The following NEBL variants were observed in gnomAD, a reference collection of about 807,000 sequenced individuals.
The protein encoded by NEBL is LIM and SH3 protein 2.
A neutral mutation model predicts 140.2 loss-of-function variants in NEBL; 122 were observed. The observed-to-expected ratio is 0.87, with a 90% confidence interval of 0.75 to 1.01. NEBL has a LOEUF of 1.01. Among genes scored for constraint, NEBL ranks in the 50% least tolerant of loss-of-function variants. The pLI, the probability that NEBL is intolerant of heterozygous loss-of-function variation, is 0.00. For synonymous variants in NEBL, 436 were observed against 398.9 expected (o/e 1.09, Z -1.11); for missense variants, 1,365 against 1,231.3 (o/e 1.11, Z -1.62).
At chr10:21,081,240 T>C (rs1222304970) in intron 2 of NEBL, among the ~76,000 whole-genome samples, 1 of 152,164 alleles carries the variant, frequency 6.6e-6, no homozygotes, top group East Asian at 1.9e-4. Context: ...AATTTTCCAC[T>C]GTGTTTTTCT....
At chr10:21,044,154 T>C (rs771557642) in intron 2 of NEBL, among the ~76,000 whole-genome samples, 2 of 152,010 alleles carry the variant, frequency 1.3e-5, no homozygotes, top group Admixed American at 6.6e-5. Flanking sequence ...CCCAACAATT[T>C]TGGAGGCCAA....
At chr10:20,865,804 C>T (rs1844213542) in intron 7 of NEBL, among the ~76,000 whole-genome samples, 1 of 152,160 alleles carries the variant, frequency 6.6e-6, no homozygotes, top group African/African-American at 2.4e-5. Context: ...AAAACAATTA[C>T]TATGAGGCAC....
At chr10:21,266,515 G>A (rs1302191245) in intron 1 of NEBL, among the ~76,000 whole-genome samples, 2 of 152,208 alleles carry the variant, frequency 1.3e-5, no homozygotes, top group African/African-American at 4.8e-5. Context: ...AATGGAAGAT[G>A]CTGCTCAAGG....
intron 3 of NEBL, among the ~76,000 whole-genome samples, chr10:21,005,633 C>T (rs1838107164): frequency 6.6e-6 from 1 of 152,078 alleles, no homozygotes; most frequent in African/African-American, 2.4e-5. Context: ...ACTCGGGAGG[C>T]TCAGGTGGGA....
At chr10:20,867,079 G>A (rs557315964) in intron 7 of NEBL, among the ~76,000 whole-genome samples, 2 of 152,084 alleles carry the variant, frequency 1.3e-5, no homozygotes, top group South Asian at 4.2e-4. Context: ...AGTATTTGAA[G>A]ACTTCTCTTT....
chr10:20,842,222 T>C (rs1490729991), intron 12 of NEBL, among the ~76,000 whole-genome samples: 1 of 152,156 alleles, frequency 6.6e-6, no homozygotes, highest in Non-Finnish European at 1.5e-5. Context: ...GACTGTTTTA[T>C]AATTTTGGAA....
At chr10:20,943,431 G>A (rs531800414) in intron 4 of NEBL, among the ~76,000 whole-genome samples, 77 of 152,278 alleles carry the variant, frequency 5.1e-4, no homozygotes, top group Non-Finnish European at 9.6e-4. Context: ...CACACACCGC[G>A]GCCTGTGGTG....
At chr10:20,967,438 G>A (rs1013633038) in intron 3 of NEBL, among the ~76,000 whole-genome samples, 2 of 152,142 alleles carry the variant, frequency 1.3e-5, no homozygotes, top group African/African-American at 4.8e-5. Context: ...GACCAGCCTG[G>A]CCAACATGGC....
At chr10:20,917,411 T>C (rs11012389) in intron 4 of NEBL, among the ~76,000 whole-genome samples, 71,052 of 152,058 alleles carry the variant, frequency 0.47, 17,345 homozygotes, top group Non-Finnish European at 0.52. Context: ...GATATACCCA[T>C]TGGCGTCACA....
chr10:21,269,299 G>A (rs1222730141), intron 1 of NEBL, among the ~76,000 whole-genome samples: 2 of 152,226 alleles, frequency 1.3e-5, no homozygotes, highest in East Asian at 1.9e-4. Flanking sequence ...AAGAAATTGG[G>A]CCCTCCTCCC....
At chr10:21,161,804 T>C (rs1840571222) in intron 2 of NEBL, among the ~76,000 whole-genome samples, 1 of 152,180 alleles carries the variant, frequency 6.6e-6, no homozygotes, top group South Asian at 2.1e-4. Flanking sequence ...GCATGCCTGT[T>C]GTATAATAAA....
At chr10:21,008,094 T>C (rs1199598766) in intron 3 of NEBL, among the ~76,000 whole-genome samples, 1 of 152,208 alleles carries the variant, frequency 6.6e-6, no homozygotes, top group Non-Finnish European at 1.5e-5. Context: ...CCGAACATTG[T>C]CCTTCCAAGT....
intron 2 of NEBL, chr10:21,172,188 C>T: frequency 3.3e-6 from 2 of 613,148 alleles, no homozygotes; most frequent in Non-Finnish European, 5.8e-6. Context: ...TAGACGTTAC[C>T]CAACACATTA....
chr10:21,060,969 G>C lies in NEBL; in HGVS notation c.165-40768C>G, dbSNP rs540382603. On this transcript the variant is annotated intron_variant, in intron 2 of 6. Transcript: ENST00000417816. The stretch of plus-strand genomic sequence containing the variant: ...TCAGCCTTACTGGCTATTAAGGGTT[G>C]AACTGTGCCCCCGAGAAAGATTTGT... Among the ~76,000 whole-genome samples, 12 of 152,182 alleles carry C rather than the reference G, an allele frequency of 7.9e-5. No individual in the cohort carries two copies. The East Asian group carries it at 1.2e-3, about 15-fold the overall frequency.
intron 2 of NEBL, among the ~76,000 whole-genome samples, chr10:21,095,803 G>T (rs984430358): frequency 2.6e-5 from 4 of 152,132 alleles, no homozygotes; most frequent in African/African-American, 9.7e-5. Context: ...AGGAAGACTT[G>T]GGGTTATCTC....
At chr10:21,158,094 A>C (rs1372882608) in intron 2 of NEBL, among the ~76,000 whole-genome samples, 1 of 152,226 alleles carries the variant, frequency 6.6e-6, no homozygotes, top group East Asian at 1.9e-4. Flanking sequence ...CACCCCGTTT[A>C]TGGTACTTTG....
chr10:21,178,168 T>C (rs965104234), upstream of NEBL, among the ~76,000 whole-genome samples: 1 of 152,248 alleles, frequency 6.6e-6, no homozygotes, highest in African/African-American at 2.4e-5. Flanking sequence ...TTTGCCATTA[T>C]AATATTTCTG....
In NEBL at chr10:21,173,800, C is replaced by T; in HGVS notation, c.34G>A (p.Val12Met). ...CAGTTGACTTTCTCGGTGGGATACA[C>T]GACTTTTCCGCAACGGGCGCACTGG... Residue 12 changes from valine (V) to methionine (M), a missense_variant, in exon 1 of 7, where the codon GTG becomes ATG. Transcript: ENST00000417816. The surrounding 1 kb of genome is among the most constrained non-coding windows in gnomAD (Gnocchi z 5.7). The T allele has an allele frequency of 6.2e-7, 1 of 1,612,826 alleles. No individual in the cohort carries two copies. Among genetic ancestry groups the T allele is most frequent in the Non-Finnish European group, 8.5e-7 (1 of 1,179,780 alleles).
intron 3 of NEBL, among the ~76,000 whole-genome samples, chr10:21,229,745 C>T (rs772533414): frequency 1.7e-4 from 26 of 152,320 alleles, no homozygotes; most frequent in Non-Finnish European, 3.1e-4. Context: ...CTTTCAGTCA[C>T]GTCTCTGTAA....
Sources: allele counts gnomAD v4.1 joint callset (sites outside exome capture counted in the v4.1 genomes callset), GRCh38; gene constraint gnomAD v4.1.1; non-coding constraint Gnocchi (gnomAD v3.1); transcripts MANE v1.5; gene names NCBI Gene and HGNC (gene_info 2026-07-23, HGNC 2026-07-21).